Variants in NPLOC4 observed in about 807,000 individuals in gnomAD.
NPLOC4 encodes the protein NPL4 homolog, ubiquitin recognition factor, also known as nuclear protein localization protein 4 homolog.
In NPLOC4, 18 loss-of-function variants were observed where a neutral mutation model predicts 80.6. The observed-to-expected ratio is 0.22, with a 90% CI of 0.15 to 0.33. NPLOC4 has a LOEUF of 0.33. Ranked by LOEUF, NPLOC4 falls within the 10% of genes least tolerant of loss-of-function variation. NPLOC4 has a pLI of 1.00. For missense variants in NPLOC4, 540 were observed against 786.1 expected (o/e 0.69, Z 3.74); for synonymous variants, 313 against 301.5 (o/e 1.04, Z -0.39).
At chr17:81,630,524 T>C (rs2035901542) in intron 1 of NPLOC4, among the ~76,000 whole-genome samples, 1 of 152,098 alleles carries the variant, frequency 6.6e-6, no homozygotes, top group South Asian at 2.1e-4. Flanking sequence ...CAAGTGATCC[T>C]GCCACTGTGC....
intron 3 of NPLOC4, among the ~76,000 whole-genome samples, chr17:81,618,181 T>C (rs1471601726): frequency 2.7e-5 from 4 of 149,534 alleles, no homozygotes; most frequent in African/African-American, 5.0e-5. Context: ...GGAGCGTCTC[T>C]GCCCGGCCGC....
intron 16 of NPLOC4, 125 bp downstream of exon 16, chr17:81,565,380 T>C: frequency 1.2e-6 from 1 of 849,644 alleles, no homozygotes; most frequent in East Asian, 2.6e-5. Context: ...GCATTGCCGA[T>C]GGCACCTGCC....
At chr17:81,632,517 T>C (rs1205141490) in intron 1 of NPLOC4, among the ~76,000 whole-genome samples, 1 of 152,010 alleles carries the variant, frequency 6.6e-6, no homozygotes, top group African/African-American at 2.4e-5. Flanking sequence ...TTTCACCACG[T>C]TGGCCAGGCT....
chr17:81,567,298 C>T lies in NPLOC4; in HGVS notation c.1566+119G>A, dbSNP rs1485102781. On this transcript the variant is annotated intron_variant, in intron 15 of 16. Coordinates refer to ENST00000331134, the MANE Select transcript of NPLOC4 (RefSeq NM_017921.4). This position sits in a 1 kb window ranked among gnomAD's most constrained non-coding sequence, Gnocchi z 4.5. Reference sequence around the variant, plus strand: ...AAATGAGGGGGACAACCTGTGACCCCGAGCTTTGACCCAGTTTCCCAATCA... The same window carrying T: ...AAATGAGGGGGACAACCTGTGACCCTGAGCTTTGACCCAGTTTCCCAATCA... 33 of 665,228 alleles carry T rather than the reference C, an allele frequency of 5.0e-5. No homozygotes were observed. The highest frequency in any genetic ancestry group is 3.8e-4 in the South Asian group (21 of 54,968). 41.2% of individuals were successfully genotyped at this position (665,228 alleles called of 1,614,324 possible). A position where few individuals can be genotyped will look rare whatever the true frequency, so the allele number is the denominator to read the frequency against.
intron 5 of NPLOC4, 110 bp downstream of exon 5, chr17:81,610,100 T>G: frequency 2.1e-6 from 2 of 931,068 alleles, no homozygotes; most frequent in Non-Finnish European, 3.3e-6. Flanking sequence ...GGTAAGTTCT[T>G]TGAACCACTC....
chr17:81,616,854 T>A (rs780482780), intron 3 of NPLOC4, among the ~76,000 whole-genome samples: 2 of 151,894 alleles, frequency 1.3e-5, no homozygotes, highest in Admixed American at 6.6e-5. Flanking sequence ...AACCTCTACA[T>A]GGGATATTAA....
rs115999932 is a variant in NPLOC4, at chr17:81,629,284, C to T, written c.96+441G>A. The stretch of plus-strand genomic sequence containing the variant: ...CTCGACTCACTGTAAACTCTGCCTT[C>T]TGAGTCAAGCAATTCTCTTGCCTCA... On this transcript the variant is annotated intron_variant, in intron 2 of 16. Coordinates refer to ENST00000331134, the MANE Select transcript of NPLOC4 (RefSeq NM_017921.4). Among the ~76,000 whole-genome samples the T allele has an allele frequency of 1.8e-3, 265 of 146,558 alleles. 1 individual carries two copies. Among genetic ancestry groups the T allele is most frequent in the African/African-American group, 6.5e-3 (255 of 39,244 alleles).
In NPLOC4 at chr17:81,557,974, A is replaced by G. The variant is rs1263385318; in HGVS notation, c.*1285T>C. On this transcript the variant is annotated 3_prime_UTR_variant, in exon 17 of 17. Transcript: ENST00000331134. ...GCTTACCCCCCAGGATGGACACAGAAGTCCCTAAGCAGTCTGCAGCTGGGC... is the reference window on the plus strand; with the variant it reads ...GCTTACCCCCCAGGATGGACACAGAGGTCCCTAAGCAGTCTGCAGCTGGGC... 1 of 152,732 alleles carries G rather than the reference A, an allele frequency of 6.5e-6. No homozygotes were observed. Among genetic ancestry groups the G allele is most frequent in the African/African-American group, 2.4e-5 (1 of 41,460 alleles). 9.5% of individuals were successfully genotyped at this position (152,732 alleles called of 1,614,324 possible). A position where few individuals can be genotyped will look rare whatever the true frequency, so the allele number is the denominator to read the frequency against.
chr17:81,622,072 T>G (rs752523444), intron 3 of NPLOC4, 94 bp downstream of exon 3: 2 of 827,436 alleles, frequency 2.4e-6, no homozygotes, highest in Non-Finnish European at 4.2e-6. Flanking sequence ...ATGAGTGGTG[T>G]GATGAGGAAA....
At position 81,629,822 on chromosome 17, in the gene NPLOC4, A is replaced by G; in HGVS notation, c.16-17T>C. On this transcript the variant is annotated splice_polypyrimidine_tract_variant and intron_variant, in intron 1 of 16. Coordinates refer to ENST00000331134, the MANE Select transcript of NPLOC4 (RefSeq NM_017921.4). Reference sequence around the variant, plus strand: ...ACGAATTATCTGTTGCAAACAAAACATGATGGTTACTGCACAGCCTAGTGA... The same window carrying G: ...ACGAATTATCTGTTGCAAACAAAACGTGATGGTTACTGCACAGCCTAGTGA... 4 of 1,591,646 alleles carry G rather than the reference A, an allele frequency of 2.5e-6. No individual in the cohort carries two copies. The highest frequency in any genetic ancestry group is 3.4e-6 in the Non-Finnish European group (4 of 1,160,084).
chr17:81,581,620 C>T (rs2144105757), intron 12 of NPLOC4, among the ~76,000 whole-genome samples: 1 of 152,300 alleles, frequency 6.6e-6, no homozygotes, highest in Non-Finnish European at 1.5e-5. Flanking sequence ...CACTCCCCCA[C>T]AACGATTACA....
chr17:81,626,105 C>T (rs1048584752), intron 2 of NPLOC4, among the ~76,000 whole-genome samples: 10 of 150,690 alleles, frequency 6.6e-5, no homozygotes, highest in South Asian at 2.1e-4. Context: ...GCAGAGATTG[C>T]GCCACTGCAC....
intron 8 of NPLOC4, among the ~76,000 whole-genome samples, chr17:81,602,942 TAC>T (rs1195719589): frequency 6.7e-6 from 1 of 148,700 alleles, no homozygotes; most frequent in South Asian, 2.1e-4. Context: ...CATATATATA[TAC>T]ACACACATAT....
At chr17:81,587,674 G>GTTTTTTTTTTTTT (rs34643456) in intron 12 of NPLOC4, among the ~76,000 whole-genome samples, 13 of 93,416 alleles carry the variant, frequency 1.4e-4, no homozygotes, top group African/African-American at 5.2e-4. Flanking sequence ...GAAAAAAGTT[G>GTTTTTTTTTTTTT]TTTTTTTTTT....
chr17:81,569,183 A>C, intron 13 of NPLOC4, 72 bp from the exon 14 acceptor site: 1 of 954,764 alleles, frequency 1.0e-6, no homozygotes, highest in South Asian at 1.3e-5. Context: ...GCCAGCCCAG[A>C]GCATCTCCCA....
intron 1 of NPLOC4, among the ~76,000 whole-genome samples, chr17:81,630,423 A>T (rs1308001494): frequency 2.0e-5 from 3 of 152,026 alleles, no homozygotes; most frequent in African/African-American, 7.2e-5. Context: ...GAGAGCTGGA[A>T]CCACAGGCTT....
At chr17:81,581,181 C>T (rs886693654) in intron 12 of NPLOC4, among the ~76,000 whole-genome samples, 5 of 151,864 alleles carry the variant, frequency 3.3e-5, no homozygotes, top group Admixed American at 2.6e-4. Flanking sequence ...GAAACCCTGT[C>T]GCTACTAAAA....
rs1480764802 is a variant in NPLOC4 at position 81,613,400 on chromosome 17, C to T, written c.304G>A (p.Ala102Thr). Residue 102 changes from alanine (A) to threonine (T), a missense_variant, in exon 4 of 17, where the codon GCT (alanine) becomes ACT (threonine). By Grantham distance (58) the Ala-to-Thr change is moderately conservative. This residue lies in a region of NPLOC4 where 74 missense variants were observed against 75.7 expected (regional missense o/e 0.98). Transcript: ENST00000331134. Reference sequence around the variant, plus strand: ...ATCTCATCCTCCACCACGTTGGGAGCGCCAAAGACTTTGAAGCCCGGTGGA... The same window carrying T: ...ATCTCATCCTCCACCACGTTGGGAGTGCCAAAGACTTTGAAGCCCGGTGGA... ...SVPPGFKVFG[A>T]PNVVEDEIDQ... The T allele has an allele frequency of 1.9e-6, 3 of 1,613,966 alleles. No homozygotes were observed. Among genetic ancestry groups the T allele is most frequent in the Non-Finnish European group, 1.7e-6 (2 of 1,179,902 alleles).
chr17:81,559,182 G>GGGA lies in NPLOC4; in HGVS notation c.*76_*77insTCC, dbSNP rs1180272819. ...GCTGCCCACTATGGGGCAGTTACAGGGAACACACTCAGCAACGCTTCTGGC... is the reference window on the plus strand; with the variant it reads ...GCTGCCCACTATGGGGCAGTTACAGGGGAGAACACACTCAGCAACGCTTCTGGC... On this transcript the variant is annotated 3_prime_UTR_variant, in exon 17 of 17. Coordinates refer to ENST00000331134, the MANE Select transcript of NPLOC4 (RefSeq NM_017921.4). The GGGA allele has an allele frequency of 3.4e-6, 5 of 1,466,980 alleles. No homozygotes were observed. The highest frequency in any genetic ancestry group is 4.6e-6 in the Non-Finnish European group (5 of 1,097,766). 90.9% of individuals were successfully genotyped at this position (1,466,980 alleles called of 1,614,324 possible). A position where few individuals can be genotyped will look rare whatever the true frequency, so the allele number is the denominator to read the frequency against.
Sources: allele counts gnomAD v4.1 joint callset (sites outside exome capture counted in the v4.1 genomes callset), GRCh38; gene constraint gnomAD v4.1.1; regional missense constraint gnomAD v4.1.1; non-coding constraint Gnocchi (gnomAD v3.1); transcripts MANE v1.5; gene names NCBI Gene and HGNC (gene_info 2026-07-23, HGNC 2026-07-21).